Variants in NEB observed in about 807,000 individuals in gnomAD.
NEB encodes the protein nemaline myopathy type 2.
In NEB, 512 loss-of-function variants were observed where a neutral mutation model predicts 952.2. That is an observed-to-expected ratio of 0.54 (90% CI 0.50 to 0.58). NEB has a LOEUF of 0.58. Ranked by LOEUF, NEB falls within the 20% of genes least tolerant of loss-of-function variation. NEB has a pLI of 0.00. For missense variants in NEB, 8,428 were observed against 9,231.1 expected (o/e 0.91, Z 3.56); for synonymous variants, 2,900 against 3,149.8 (o/e 0.92, Z 2.66).
chr2:151,673,289 C>T, intron 36 of NEB, among the ~76,000 whole-genome samples: 1 of 152,164 alleles, frequency 6.6e-6, no homozygotes, highest in East Asian at 1.9e-4. Flanking sequence ...GTCAGAACCT[C>T]AACTGTTATG....
Position 151,697,412 on chromosome 2 carries a change from C to T in NEB, c.1303G>A (p.Val435Ile), listed in dbSNP as rs763255052. The T allele has an allele frequency of 1.9e-6, 3 of 1,613,816 alleles. No individual in the cohort carries two copies. Among genetic ancestry groups the T allele is most frequent in the African/African-American group, 2.7e-5 (2 of 74,932 alleles). Reference sequence around the variant, plus strand: ...TGGTATGGATCCTCGAAGCTGCCTACATAATGTCCCAAAATATCTTTTAAG... The same window carrying T: ...TGGTATGGATCCTCGAAGCTGCCTATATAATGTCCCAAAATATCTTTTAAG... ...SYLKDILGHYVGSFEDPYHSH... is the reference protein window; with the variant it reads ...SYLKDILGHYIGSFEDPYHSH... The change falls in exon 15 of 182, where the codon GTA becomes ATA. Residue 435 changes from valine (V) to isoleucine (I), a missense_variant. By Grantham distance (29) the Val-to-Ile change is conservative. Coordinates refer to ENST00000397345, the MANE Select transcript of NEB (RefSeq NM_001164508.2).
rs1030563077 is a variant in NEB at position 151,498,290 on chromosome 2, T to C, written c.24177A>G (p.Arg8059=). The C allele has an allele frequency of 3.4e-5, 53 of 1,551,458 alleles. No individual in the cohort carries two copies. The highest frequency in any genetic ancestry group is 4.4e-5 in the Non-Finnish European group (51 of 1,146,878). The stretch of plus-strand genomic sequence containing the variant: ...TAAGGTTTTCTTGATTGTGTTTGAC[T>C]CTCTGCATCTCAGGAGTGATGGGGA... The part of the protein sequence containing the change: ...IPIPITPEMQ[R]VKHNQENLSS... Residue 8059 remains arginine, a synonymous_variant, in exon 170 of 182, where the codon AGA becomes AGG. Transcript: ENST00000397345.
At chr2:151,712,804 C>T (rs2099748857) in intron 10 of NEB, among the ~76,000 whole-genome samples, 1 of 152,044 alleles carries the variant, frequency 6.6e-6, no homozygotes, top group African/African-American at 2.4e-5. Flanking sequence ...AGAGTGAGGC[C>T]AGAGCTTTTG....
intron 181 of NEB, 30 bp from the exon 182 acceptor site, chr2:151,485,963 T>A (rs778467089): frequency 1.2e-6 from 2 of 1,608,618 alleles, no homozygotes. Flanking sequence ...AGGGGAAATA[T>A]TATATGTTGG....
chr2:151,551,735 C>G lies in NEB; in HGVS notation c.19944+3G>C. ...TGGGCACTCTCAAGTTCTCACTGCT[C>G]ACCGAACTCTGGAGCTTGTATGCAT... On this transcript the variant is annotated splice_donor_region_variant and intron_variant, in intron 129 of 181. Coordinates refer to ENST00000397345, the MANE Select transcript of NEB (RefSeq NM_001164508.2). 1 of 1,612,012 alleles carries G rather than the reference C, an allele frequency of 6.2e-7. No homozygotes were observed. Among genetic ancestry groups the G allele is most frequent in the Non-Finnish European group, 8.5e-7 (1 of 1,178,390 alleles).
chr2:151,546,545 T>C (rs1307616626), intron 133 of NEB, 102 bp from the exon 134 acceptor site: 2 of 608,644 alleles, frequency 3.3e-6, no homozygotes, highest in Non-Finnish European at 5.5e-6. Context: ...GTCTTTCATT[T>C]TGGTTCATCT....
At chr2:151,701,501 C>G (rs2099668700) in intron 13 of NEB, among the ~76,000 whole-genome samples, 1 of 149,860 alleles carries the variant, frequency 6.7e-6, no homozygotes, top group South Asian at 2.2e-4. Flanking sequence ...GTCCTGGACT[C>G]TTTTTGGTTG....
intron 123 of NEB, 83 bp from the exon 124 acceptor site, chr2:151,560,782 G>C: frequency 1.9e-6 from 2 of 1,075,826 alleles, no homozygotes; most frequent in Non-Finnish European, 2.7e-6. Context: ...TTCTGTGTCT[G>C]TCCTTCTCAC....
chr2:151,663,287 GA>G (rs1457856503), intron 45 of NEB, among the ~76,000 whole-genome samples: 7 of 152,224 alleles, frequency 4.6e-5, no homozygotes, highest in African/African-American at 1.7e-4. Flanking sequence ...CACTCTTTCT[GA>G]AATGAAGTTC....
chr2:151,495,090 T>C (rs1040717605), intron 173 of NEB: 11 of 152,294 alleles, frequency 7.2e-5, no homozygotes, highest in Non-Finnish European at 1.5e-4. Context: ...TGCCTCTTGC[T>C]TTAGTTTCAT....
chr2:151,535,507 T>C (rs1182310109), intron 142 of NEB, among the ~76,000 whole-genome samples, 184 bp downstream of exon 142: 1 of 152,194 alleles, frequency 6.6e-6, no homozygotes, highest in Non-Finnish European at 1.5e-5. Context: ...CACTTGTTCT[T>C]ATTTGTAGTT....
At position 151,619,718 on chromosome 2, in the gene NEB, A is replaced by C; in HGVS notation, c.10605T>G (p.Ile3535Met). The change falls in exon 73 of 182, where the codon ATT (isoleucine) becomes ATG (methionine). Residue 3535 changes from isoleucine (I) to methionine (M), a missense_variant. Physicochemically the swap from Ile to Met is conservative, Grantham distance 10. Coordinates refer to ENST00000397345, the MANE Select transcript of NEB (RefSeq NM_001164508.2). The part of the protein sequence containing the change: ...EAYRKQLGHH[I>M]GARAVHDDPK... Reference sequence around the variant, plus strand: ...GGTCATCGTGTACTGCTCGGGCGCCAATGTGGTGACCCAACTGTTTACGAT... The same window carrying C: ...GGTCATCGTGTACTGCTCGGGCGCCCATGTGGTGACCCAACTGTTTACGAT... 6.2e-7 allele frequency: 1 copy of C among 1,613,718 alleles called. No individual in the cohort carries two copies. The highest frequency in any genetic ancestry group is 8.5e-7 in the Non-Finnish European group (1 of 1,179,666).
rs1553552384 is a variant in NEB, at chr2:151,497,713, T to TAA, written c.24211_24212dup (p.Leu8071PhefsTer75). 3.8e-6 allele frequency: 6 copies of TAA among 1,575,882 alleles called. No individual in the cohort carries two copies. The highest frequency in any genetic ancestry group is 1.3e-5 in the African/African-American group (1 of 74,390). Reference sequence around the variant, plus strand: ...TTCCCTTGCCCATGTTTTCTTTGTATAACACCTGTGCGATAAGAAAGCATC... The same window carrying TAA: ...TTCCCTTGCCCATGTTTTCTTTGTATAAAACACCTGTGCGATAAGAAAGCATC... On this transcript the variant is annotated frameshift_variant, in exon 171 of 182. Transcript: ENST00000397345. LOFTEE classifies it high-confidence loss of function.
rs5835371 is a variant in NEB at position 151,524,654 on chromosome 2, CTTTTTTTTTTTT to C, written c.22273-50_22273-39del. On this transcript the variant is annotated intron_variant, in intron 151 of 181. Coordinates refer to ENST00000397345, the MANE Select transcript of NEB (RefSeq NM_001164508.2). ...AGAAAATGTTTACTCAAGAGAGAGG[CTTTTTTTTTTTT>C]TTTTTTTTTTTTTTTTTTGAGATGG... is the stretch of plus-strand genomic sequence containing the variant. 1.9e-4 allele frequency: 48 copies of C among 257,378 alleles called. No individual in the cohort carries two copies. In the East Asian group the frequency reaches 2.4e-3, roughly 13 times the overall value. 15.9% of individuals were successfully genotyped at this position (257,378 alleles called of 1,614,324 possible).
chr2:151,534,387 T>TA, intron 142 of NEB: 1 of 1,355,342 alleles, frequency 7.4e-7, no homozygotes, highest in Non-Finnish European at 1.0e-6. Context: ...TGTCTCAAGG[T>TA]AAACACTCCA....
intron 154 of NEB, 36 bp downstream of exon 154, chr2:151,519,620 ACC>A: frequency 7.0e-7 from 1 of 1,435,996 alleles, no homozygotes; most frequent in Non-Finnish European, 9.8e-7. Context: ...AATGGCAAAT[ACC>A]ATGTTATATA....
intron 22 of NEB, 35 bp downstream of exon 22, chr2:151,692,024 C>T (rs778701858): frequency 6.2e-7 from 1 of 1,606,146 alleles, no homozygotes; most frequent in East Asian, 2.2e-5. Context: ...CAAACAATGT[C>T]ACTGTGAGGC....
At position 151,527,787 on chromosome 2, in the gene NEB, C is replaced by T. The variant is rs534436549; in HGVS notation, c.21736-202G>A. Among the ~76,000 whole-genome samples the T allele has an allele frequency of 4.6e-5, 7 of 152,238 alleles. No homozygotes were observed. The East Asian group carries it at 1.2e-3, about 25-fold the overall frequency. On this transcript the variant is annotated intron_variant, in intron 146 of 181. Coordinates refer to ENST00000397345, the MANE Select transcript of NEB (RefSeq NM_001164508.2). ...GTCATCTGTTGGGACCCTGTGGTCC[C>T]GAAATAGAGGCTAAAATTTTTAAAG...
At chr2:151,606,039 C>T (rs1157239148) in intron 84 of NEB, among the ~76,000 whole-genome samples, 1 of 92,706 alleles carries the variant, frequency 1.1e-5, no homozygotes, top group Non-Finnish European at 2.8e-5. Context: ...AGGCTGGTCT[C>T]GAACTCCTGA....
Sources: allele counts gnomAD v4.1 joint callset (sites outside exome capture counted in the v4.1 genomes callset), GRCh38; gene constraint gnomAD v4.1.1; transcripts MANE v1.5; gene names NCBI Gene and HGNC (gene_info 2026-07-23, HGNC 2026-07-21).